RRP12: variants seen among roughly 807,000 people sequenced by gnomAD.
RRP12 encodes ribosomal RNA processing 12 homolog.
RRP12 carries 78 observed loss-of-function variants against 157.3 expected under a neutral mutation model. That is an observed-to-expected ratio of 0.50 (90% CI 0.41 to 0.60). The LOEUF (loss-of-function observed/expected upper bound fraction) is 0.60, where lower values mean the gene tolerates loss of function less well. RRP12 is among the 20% of genes least tolerant of loss of function. The pLI is 0.00. For synonymous variants in RRP12, 726 were observed against 670.9 expected, an observed-to-expected ratio of 1.08 and a Z score of -1.27; for missense variants, 1,521 against 1,679.9, an observed-to-expected ratio of 0.91 and a Z score of 1.65.
At chr10:97,393,500 G>C (rs1460209421) in intron 4 of RRP12, 184 bp downstream of exon 4, 2 of 689,252 alleles carry the variant, frequency 2.9e-6, no homozygotes, top group African/African-American at 1.8e-5. Context: ...AGTTTAGTTA[G>C]AGTTTCTCAC....
Position 97,366,238 on chromosome 10 carries a change from G to A in RRP12, c.3392-5C>T. The A allele has an allele frequency of 6.2e-7, 1 of 1,611,088 alleles. No homozygotes were observed. The highest frequency in any genetic ancestry group is 8.5e-7 in the Non-Finnish European group (1 of 1,179,746). On this transcript the variant is annotated splice_region_variant and splice_polypyrimidine_tract_variant and intron_variant, in intron 28 of 33. Transcript: ENST00000370992. Reference sequence around the variant, plus strand: ...GGCCTGGCCCTGGCTGCGTGGCTGGGGTGTAGAGTTTGGCATGAGGAGGTG... The same window carrying A: ...GGCCTGGCCCTGGCTGCGTGGCTGGAGTGTAGAGTTTGGCATGAGGAGGTG...
Position 97,385,974 on chromosome 10 carries a change from A to G in RRP12, c.1037T>C (p.Met346Thr), listed in dbSNP as rs373377174. 15 of 1,600,360 alleles carry G rather than the reference A, an allele frequency of 9.4e-6. No individual in the cohort carries two copies. The highest frequency in any genetic ancestry group is 4.5e-5 in the East Asian group (2 of 44,454). ...GTGGAAGAGGCTGTGAAAGGCCTGC[A>G]TGGCACAGGCTGTCACCAGCTGGAG... is the stretch of plus-strand genomic sequence containing the variant. ...LSHVLVTACA[M>T]QAFHSLFHAR... Residue 346 changes from methionine (M) to threonine (T), a missense_variant, in exon 9 of 34, where the codon ATG becomes ACG. Met to Thr is a moderately conservative substitution (Grantham distance 81). Transcript: ENST00000370992.
At position 97,372,070 on chromosome 10, in the gene RRP12, C is replaced by T. The variant is rs559153323; in HGVS notation, c.2343+3G>A. The T allele has an allele frequency of 6.2e-7, 1 of 1,608,314 alleles. No homozygotes were observed. Among genetic ancestry groups the T allele is most frequent in the South Asian group, 1.1e-5 (1 of 90,814 alleles). On this transcript the variant is annotated splice_donor_region_variant and intron_variant, in intron 20 of 33. Coordinates refer to ENST00000370992, the MANE Select transcript of RRP12 (RefSeq NM_015179.4). ...TGTGGCGCTCCTGGCCCCCGAGGCTCACCTCTAGGTAGGGCCGGATGGTGG... is the reference window on the plus strand; with the variant it reads ...TGTGGCGCTCCTGGCCCCCGAGGCTTACCTCTAGGTAGGGCCGGATGGTGG...
Position 97,381,487 on chromosome 10 carries a change from C to A in RRP12, c.1321-4G>T, listed in dbSNP as rs543816656. 2 of 1,604,350 alleles carry A rather than the reference C, an allele frequency of 1.2e-6. No homozygotes were observed. Among genetic ancestry groups the A allele is most frequent in the South Asian group, 1.1e-5 (1 of 89,356 alleles). Reference sequence around the variant, plus strand: ...CCACGCATTCCTTCAGGATCTCCTGCGAAGAGAGGCCACAGGCTTTCTGGG... The same window carrying A: ...CCACGCATTCCTTCAGGATCTCCTGAGAAGAGAGGCCACAGGCTTTCTGGG... On this transcript the variant is annotated splice_region_variant and splice_polypyrimidine_tract_variant and intron_variant, in intron 11 of 33. Transcript: ENST00000370992.
chr10:97,389,918 G>T (rs374870008), intron 6 of RRP12, among the ~76,000 whole-genome samples: 279 of 152,122 alleles, frequency 1.8e-3, no homozygotes, highest in African/African-American at 6.6e-3. Flanking sequence ...TCACTATGTT[G>T]GCCAGGCTGG....
chr10:97,398,850 G>A (rs10786341), intron 2 of RRP12, among the ~76,000 whole-genome samples: 57,280 of 151,732 alleles, frequency 0.38, 11,235 homozygotes, highest in African/African-American at 0.49. Flanking sequence ...CTAAGTAGGG[G>A]TATATGGGTA....
chr10:97,376,770 C>A (rs919976351), intron 15 of RRP12, among the ~76,000 whole-genome samples: 3 of 152,026 alleles, frequency 2.0e-5, no homozygotes, highest in Non-Finnish European at 4.4e-5. Flanking sequence ...CTACAGGCAG[C>A]AAAATCACCC....
chr10:97,365,951 A>T, intron 29 of RRP12, 157 bp downstream of exon 29: 1 of 896,758 alleles, frequency 1.1e-6, no homozygotes, highest in Non-Finnish European at 1.8e-6. Flanking sequence ...AAGATTTCTT[A>T]ATGTTTCTCA....
At chr10:97,367,266 C>T in intron 25 of RRP12, 134 bp from the exon 26 acceptor site, 1 of 707,322 alleles carries the variant, frequency 1.4e-6, no homozygotes, top group Non-Finnish European at 2.4e-6. Context: ...GCTCCTGGCC[C>T]ACACCCTGGC....
At chr10:97,376,522 T>G (rs1554879136) in intron 15 of RRP12, among the ~76,000 whole-genome samples, 2 of 152,098 alleles carry the variant, frequency 1.3e-5, no homozygotes. Flanking sequence ...CTTACTTTCT[T>G]CTTTAAGCAC....
intron 29 of RRP12, among the ~76,000 whole-genome samples, chr10:97,365,326 A>G (rs1589412654): frequency 7.1e-6 from 1 of 141,260 alleles, no homozygotes; most frequent in African/African-American, 2.7e-5. Context: ...CAGGCTGGAG[A>G]GCAGTGGCAC....
chr10:97,357,315 G>C, intron 33 of RRP12, 119 bp from the exon 34 acceptor site: 2 of 628,002 alleles, frequency 3.2e-6, no homozygotes, highest in Non-Finnish European at 5.6e-6. Context: ...TCCAGGTGGT[G>C]GCCAGCACAT....
chr10:97,373,524 C>A, intron 17 of RRP12, 51 bp downstream of exon 17: 1 of 1,529,346 alleles, frequency 6.5e-7, no homozygotes, highest in South Asian at 1.2e-5. Flanking sequence ...GGGATGGGGC[C>A]AGGGACCTGT....
At chr10:97,364,574 G>A (rs1030298401) in intron 29 of RRP12, among the ~76,000 whole-genome samples, 1 of 152,186 alleles carries the variant, frequency 6.6e-6, no homozygotes, top group East Asian at 1.9e-4. Flanking sequence ...AAAATTAGCT[G>A]GGCATGGTGG....
At position 97,398,039 on chromosome 10, in the gene RRP12, A is replaced by ATTT. The variant is rs1184698036; in HGVS notation, c.370-1741_370-1739dup. ...TATATATATGTATATATATATACGT[A>ATTT]TTTTTTTTTTTTTTTTTTTTTTTTT... On this transcript the variant is annotated intron_variant, in intron 2 of 33. Transcript: ENST00000370992. 5.7e-3 allele frequency among the ~76,000 whole-genome samples: 319 copies of ATTT among 55,974 alleles called. 18 individuals are homozygous for ATTT. The highest frequency in any genetic ancestry group is 0.024 in the Middle Eastern group (2 of 84). 36.7% of individuals were successfully genotyped at this position (55,974 alleles called of 152,430 possible). A position where few individuals can be genotyped will look rare whatever the true frequency, so the allele number is the denominator to read the frequency against.
In RRP12 at chr10:97,370,944, G is replaced by A. The variant is rs1844132902; in HGVS notation, c.2481C>T (p.Ser827=). Reference sequence around the variant, plus strand: ...TCACCCTCTTGGCGGGTGAGGAGGTGCTCCGCAGCGAGTCCAGCAGTGTCT... The same window carrying A: ...TCACCCTCTTGGCGGGTGAGGAGGTACTCCGCAGCGAGTCCAGCAGTGTCT... The part of the protein sequence containing the change: ...LKKTLLDSLR[S]TSSPAKRPRL... Residue 827 remains serine, a synonymous_variant, in exon 21 of 34, where the codon AGC becomes AGT. Coordinates refer to ENST00000370992, the MANE Select transcript of RRP12 (RefSeq NM_015179.4). 6.2e-7 allele frequency: 1 copy of A among 1,614,016 alleles called. No homozygotes were observed. Among genetic ancestry groups the A allele is most frequent in the African/African-American group, 1.3e-5 (1 of 75,022 alleles).
intron 20 of RRP12, 128 bp from the exon 21 acceptor site, chr10:97,371,209 G>T: frequency 1.0e-6 from 1 of 993,566 alleles, no homozygotes; most frequent in Non-Finnish European, 1.5e-6. Context: ...CTTGACAGAG[G>T]ACCAGTGGAA....
intron 11 of RRP12, 109 bp from the exon 12 acceptor site, chr10:97,381,592 A>G: frequency 8.2e-7 from 1 of 1,214,520 alleles, no homozygotes; most frequent in Non-Finnish European, 1.2e-6. Flanking sequence ...GAAGAAACCT[A>G]TCTCCCATTT....
chr10:97,377,951 A>G (rs1432690871), intron 15 of RRP12, among the ~76,000 whole-genome samples: 4 of 152,148 alleles, frequency 2.6e-5, no homozygotes, highest in African/African-American at 9.7e-5. Flanking sequence ...CACAAAATCC[A>G]ATGAAAACGA....
Sources: allele counts gnomAD v4.1 joint callset (sites outside exome capture counted in the v4.1 genomes callset), GRCh38; gene constraint gnomAD v4.1.1; transcripts MANE v1.5; gene names NCBI Gene and HGNC (gene_info 2026-07-23, HGNC 2026-07-21).